Variants in CPA6 observed in about 807,000 individuals in gnomAD.
The protein encoded by CPA6 is carboxypeptidase A6, also known as carboxypeptidase B.
Under a neutral mutation model 63.3 loss-of-function variants are expected in CPA6, and 58 were observed. That is an observed-to-expected ratio of 0.92 (90% confidence interval 0.74 to 1.14). The LOEUF is 1.14. Among genes scored for constraint, CPA6 ranks in the 50% most tolerant of loss-of-function variants. The pLI, the probability that CPA6 is intolerant of heterozygous loss-of-function variation, is 0.00. For missense variants in CPA6, 565 were observed against 526.6 expected, an observed-to-expected ratio of 1.07 and a Z score of -0.71; for synonymous variants, 185 against 179.0, an observed-to-expected ratio of 1.03 and a Z score of -0.27.
intron 2 of CPA6, among the ~76,000 whole-genome samples, chr8:67,607,097 TCTTCTTCTTTCC>T (rs1338602151): frequency 6.7e-6 from 1 of 149,584 alleles, no homozygotes; most frequent in Non-Finnish European, 1.5e-5. Context: ...CTCTTCTTCT[TCTTCTTCTTTCC>T]TCCTCCTCCT....
intron 2 of CPA6, among the ~76,000 whole-genome samples, chr8:67,616,501 A>ATGTGTGTGTGTGTGTGTG (rs4009134): frequency 2.4e-5 from 3 of 127,040 alleles, no homozygotes; most frequent in Admixed American, 7.9e-5. Context: ...GGCAAATTGA[A>ATGTGTGTGTGTGTGTGTG]TGTGTGTGTG....
At chr8:67,638,016 C>T (rs1387519771) in intron 1 of CPA6, among the ~76,000 whole-genome samples, 1 of 143,022 alleles carries the variant, frequency 7.0e-6, no homozygotes, top group Non-Finnish European at 1.5e-5. Flanking sequence ...TGCATGCATG[C>T]ATGTGTGTTT....
chr8:67,433,254 CCTT>C (rs1468810118), intron 9 of CPA6, among the ~76,000 whole-genome samples: 1 of 152,188 alleles, frequency 6.6e-6, no homozygotes, highest in Non-Finnish European at 1.5e-5. Flanking sequence ...TGCACCCCCT[CCTT>C]TTCCCCAGAG....
chr8:67,610,262 C>G (rs1014384316), intron 2 of CPA6, among the ~76,000 whole-genome samples: 2 of 151,840 alleles, frequency 1.3e-5, no homozygotes, highest in African/African-American at 4.8e-5. Context: ...CCCTGTAGTT[C>G]CAGCTATTCA....
Position 67,520,472 on chromosome 8 carries a change from G to A in CPA6, c.193-2425C>T, listed in dbSNP as rs557396152. Among the ~76,000 whole-genome samples, 27 of 152,262 alleles carry A rather than the reference G, an allele frequency of 1.8e-4. 1 individual carries two copies. The South Asian group carries it at 5.0e-3, about 28-fold the overall frequency. ...TCTATTTTGTTGTGATATTAGGAAAGTAAATGAAAATGAATTATTAGTTTT... is the reference window on the plus strand; with the variant it reads ...TCTATTTTGTTGTGATATTAGGAAAATAAATGAAAATGAATTATTAGTTTT... On this transcript the variant is annotated intron_variant, in intron 2 of 10. Transcript: ENST00000297770.
At chr8:67,435,377 C>G (rs541203135) in intron 8 of CPA6, among the ~76,000 whole-genome samples, 178 of 152,144 alleles carry the variant, frequency 1.2e-3, no homozygotes, top group Non-Finnish European at 1.9e-3. Flanking sequence ...ATCCCTCCCC[C>G]CAGCGCAGGG....
At chr8:67,637,688 C>T (rs1254072333) in intron 1 of CPA6, among the ~76,000 whole-genome samples, 2 of 151,228 alleles carry the variant, frequency 1.3e-5, no homozygotes, top group Admixed American at 6.6e-5. Context: ...ACAAACAATA[C>T]CTTATTATTA....
intron 2 of CPA6, among the ~76,000 whole-genome samples, chr8:67,616,859 G>C (rs3847179): frequency 0.63 from 95,016 of 151,866 alleles, 30,514 homozygotes; most frequent in African/African-American, 0.78. Context: ...TCCCAGCCTA[G>C]AGCCTGCCAA....
intron 1 of CPA6, among the ~76,000 whole-genome samples, chr8:67,637,981 T>TTGTGTGTG (rs3055710): frequency 0.013 from 1,917 of 146,654 alleles, 49 homozygotes; most frequent in African/African-American, 0.019. Context: ...GCTAGAAATT[T>TTGTGTGTG]TGTGTGTGTG....
At chr8:67,736,389 T>A (rs550214694) in intron 1 of CPA6, among the ~76,000 whole-genome samples, 1 of 152,326 alleles carries the variant, frequency 6.6e-6, no homozygotes, top group South Asian at 2.1e-4. Context: ...AATTCCCTTC[T>A]CAACCTACCT....
chr8:67,565,168 TTC>T (rs1491078467), intron 2 of CPA6, among the ~76,000 whole-genome samples: 50 of 115,382 alleles, frequency 4.3e-4, no homozygotes, highest in African/African-American at 1.2e-3. Context: ...TTCTTTTTCT[TTC>T]TTTTTTTTTT....
rs11413635 is a variant in CPA6, at chr8:67,475,800, T to TC, written c.838+7967dup. On this transcript the variant is annotated intron_variant, in intron 8 of 10. Coordinates refer to ENST00000297770, the MANE Select transcript of CPA6 (RefSeq NM_020361.5). ...TTCTTTCTTTCTTTCTTTCTTTCTT[T>TC]CTTTCTTTCTTTCTTTCCTTTCTTT... Among the ~76,000 whole-genome samples, 283 of 59,592 alleles carry TC rather than the reference T, an allele frequency of 4.7e-3. 9 individuals are homozygous for TC. The highest frequency in any genetic ancestry group is 0.021 in the Middle Eastern group (2 of 96). The allele number at this position is 59,592 out of a possible 152,430, so 39.1% of individuals were successfully genotyped here.
At chr8:67,741,956 C>T (rs902651203) in intron 1 of CPA6, among the ~76,000 whole-genome samples, 2 of 152,200 alleles carry the variant, frequency 1.3e-5, no homozygotes. Flanking sequence ...ACCACTACCA[C>T]ACAGCACTTA....
chr8:67,523,407 T>C (rs1396857217), intron 2 of CPA6, among the ~76,000 whole-genome samples: 1 of 152,042 alleles, frequency 6.6e-6, no homozygotes, highest in African/African-American at 2.4e-5. Flanking sequence ...TGGTCACCTG[T>C]AGTCCCAGCT....
chr8:67,614,642 C>T (rs566488861), intron 2 of CPA6, among the ~76,000 whole-genome samples: 22 of 152,246 alleles, frequency 1.4e-4, no homozygotes, highest in African/African-American at 5.3e-4. Flanking sequence ...AAAATTGCCC[C>T]CATTTTGTCT....
At chr8:67,555,367 G>A (rs1813036261) in intron 2 of CPA6, among the ~76,000 whole-genome samples, 1 of 152,124 alleles carries the variant, frequency 6.6e-6, no homozygotes, top group Admixed American at 6.5e-5. Flanking sequence ...TCTACATAAT[G>A]AAACCTTTAC....
intron 3 of CPA6, among the ~76,000 whole-genome samples, chr8:67,513,650 G>A (rs1812086283): frequency 6.6e-6 from 1 of 152,058 alleles, no homozygotes; most frequent in Non-Finnish European, 1.5e-5. Context: ...GCACCCAAAC[G>A]CAGGCCCTAG....
intron 2 of CPA6, among the ~76,000 whole-genome samples, chr8:67,553,493 G>T (rs936695992): frequency 6.6e-6 from 1 of 152,072 alleles, no homozygotes; most frequent in Non-Finnish European, 1.5e-5. Flanking sequence ...TATTACATAA[G>T]GGGTATGGAT....
rs952371354 is a variant in CPA6, at chr8:67,432,045, C to T, written c.1041+1993G>A. ...GGTCCTTGTCCTGGTTCTTGGCACA[C>T]AGTTTCTAAAAACTCCTGGCATCTC... On this transcript the variant is annotated intron_variant, in intron 9 of 10. Coordinates refer to ENST00000297770, the MANE Select transcript of CPA6 (RefSeq NM_020361.5). 5.3e-5 allele frequency among the ~76,000 whole-genome samples: 8 copies of T among 152,196 alleles called. No homozygotes were observed. The South Asian group carries it at 1.7e-3, about 32-fold the overall frequency.
Sources: gnomAD v4.1 joint callset for allele counts (sites outside exome capture counted in the v4.1 genomes callset) on GRCh38, gnomAD v4.1.1 for gene constraint, MANE v1.5 for transcripts, NCBI Gene and HGNC (gene_info 2026-07-23, HGNC 2026-07-21) for gene names.